The following SAMSN1 variants were observed in gnomAD, a reference collection of about 807,000 sequenced individuals.
SAMSN1 encodes SAM domain, SH3 domain and nuclear localization signals 1, also known as SAM domain-containing protein SAMSN-1.
SAMSN1 carries 31 observed loss-of-function variants against 42.0 expected under a neutral mutation model. The observed-to-expected ratio is 0.74, with a 90% confidence interval of 0.55 to 1.00. The LOEUF (loss-of-function observed/expected upper bound fraction) is 1.00, where lower values mean the gene tolerates loss of function less well. Among genes scored for constraint, SAMSN1 ranks in the 50% least tolerant of loss-of-function variants. The pLI is 0.00. For missense variants in SAMSN1, 464 were observed against 439.4 expected, an observed-to-expected ratio of 1.06 and a Z score of -0.50; for synonymous variants, 178 against 151.9, an observed-to-expected ratio of 1.17 and a Z score of -1.26.
rs571805599 is a variant in SAMSN1, at chr21:14,532,590, T to TA, written c.58-11370dup. Among the ~76,000 whole-genome samples the TA allele has an allele frequency of 2.0e-4, 31 of 152,306 alleles. 1 individual carries two copies. The East Asian group carries it at 4.8e-3, about 24-fold the overall frequency. On this transcript the variant is annotated intron_variant, in intron 1 of 7. Coordinates refer to ENST00000400566, the MANE Select transcript of SAMSN1 (RefSeq NM_022136.5). ...CAGAGTTGAAATATAAGAGTAGTGG[T>TA]AAAAAGAAACTCAGTTTATAATCAC...
chr21:14,532,613 C>A (rs1487425267), intron 1 of SAMSN1, among the ~76,000 whole-genome samples: 2 of 152,158 alleles, frequency 1.3e-5, no homozygotes, highest in African/African-American at 4.8e-5. Flanking sequence ...AGTTTATAAT[C>A]ACTCCTTGAC....
At chr21:14,577,508 A>G (rs1981546238) in intron 2 of SAMSN1, among the ~76,000 whole-genome samples, 1 of 151,816 alleles carries the variant, frequency 6.6e-6, no homozygotes, top group South Asian at 2.1e-4. Context: ...ATAAAAACAT[A>G]TGAAAGGAAG....
chr21:14,531,046 C>G (rs1020480270), intron 1 of SAMSN1, among the ~76,000 whole-genome samples: 5 of 151,806 alleles, frequency 3.3e-5, no homozygotes, highest in African/African-American at 1.2e-4. Context: ...AATTCTATAA[C>G]TAAACAAAAA....
intron 2 of SAMSN1, among the ~76,000 whole-genome samples, chr21:14,637,215 G>C (rs917350407): frequency 6.6e-5 from 10 of 151,578 alleles, no homozygotes; most frequent in African/African-American, 2.2e-4. Flanking sequence ...GATTTTTTTC[G>C]CTGGGACTGA....
rs188145306 is a variant in SAMSN1 at position 14,637,647 on chromosome 21, G to T, written c.156+5355C>A. Among the ~76,000 whole-genome samples the T allele has an allele frequency of 6.1e-4, 93 of 151,810 alleles. 1 individual carries two copies. Among genetic ancestry groups the T allele is most frequent in the Admixed American group, 1.4e-3 (21 of 15,248 alleles). ...AGATTTTGTGTATCAACTCCCTTGTGATTTATTCTCTAAAATAATGTGATT... is the reference window on the plus strand; with the variant it reads ...AGATTTTGTGTATCAACTCCCTTGTTATTTATTCTCTAAAATAATGTGATT... On this transcript the variant is annotated intron_variant, in intron 2 of 15. Coordinates refer to the SAMSN1 transcript ENST00000647101.
chr21:14,577,270 ATATATATATATATAT>A (rs1981526800), intron 2 of SAMSN1, among the ~76,000 whole-genome samples: 4 of 49,402 alleles, frequency 8.1e-5, no homozygotes, highest in Admixed American at 1.6e-4. Flanking sequence ...ATATATATAT[ATATATATATATATAT>A]TTTTTTTTTA....
intron 2 of SAMSN1, among the ~76,000 whole-genome samples, chr21:14,626,068 C>T (rs1198593122): frequency 6.6e-6 from 1 of 152,146 alleles, no homozygotes; most frequent in Admixed American, 6.5e-5. Context: ...GGAATACTGG[C>T]TAGTCATATG....
intron 1 of SAMSN1, among the ~76,000 whole-genome samples, chr21:14,521,902 A>AC (rs1245461136): frequency 1.4e-5 from 2 of 139,090 alleles, no homozygotes; most frequent in Non-Finnish European, 3.3e-5. Flanking sequence ...AGTTTGTTTA[A>AC]AAAAAAAAAA....
chr21:14,630,085 A>T (rs1162434198), intron 2 of SAMSN1, among the ~76,000 whole-genome samples: 2 of 152,170 alleles, frequency 1.3e-5, no homozygotes, highest in Non-Finnish European at 2.9e-5. Context: ...TGTGATAGGA[A>T]ATCCGATGGG....
intron 2 of SAMSN1, among the ~76,000 whole-genome samples, chr21:14,571,736 G>A (rs77124928): frequency 0.039 from 5,999 of 152,118 alleles, 157 homozygotes; most frequent in African/African-American, 0.07. Flanking sequence ...GTCACAATTC[G>A]GGAGGTCAGA....
At chr21:14,557,129 G>A (rs936196434) in intron 2 of SAMSN1, among the ~76,000 whole-genome samples, 1 of 152,132 alleles carries the variant, frequency 6.6e-6, no homozygotes, top group Non-Finnish European at 1.5e-5. Context: ...AGAAGGGTCT[G>A]CTTTTCCTCG....
At chr21:14,503,057 C>G (rs974867684) in intron 5 of SAMSN1, among the ~76,000 whole-genome samples, 14 of 152,136 alleles carry the variant, frequency 9.2e-5, no homozygotes, top group Non-Finnish European at 1.6e-4. Context: ...TTGTAACTCA[C>G]CCCTCTCCTT....
At chr21:14,651,738 T>C (rs1983840562) in intron 1 of SAMSN1, among the ~76,000 whole-genome samples, 1 of 152,084 alleles carries the variant, frequency 6.6e-6, no homozygotes, top group African/African-American at 2.4e-5. Context: ...AGTCAAATTA[T>C]ACCTGTTTGC....
intron 2 of SAMSN1, among the ~76,000 whole-genome samples, chr21:14,622,858 G>T (rs2123346013): frequency 6.6e-6 from 1 of 152,214 alleles, no homozygotes; most frequent in East Asian, 1.9e-4. Context: ...AAATGTTAAG[G>T]GCAGCCAGAG....
intron 2 of SAMSN1, among the ~76,000 whole-genome samples, chr21:14,554,395 A>G (rs1015569451): frequency 1.3e-5 from 2 of 152,196 alleles, no homozygotes; most frequent in Admixed American, 1.3e-4. Context: ...TGCCTGGTAC[A>G]TAATAAACAC....
intron 1 of SAMSN1, among the ~76,000 whole-genome samples, chr21:14,646,072 G>C (rs1374382204): frequency 6.6e-6 from 1 of 152,146 alleles, no homozygotes; most frequent in Non-Finnish European, 1.5e-5. Flanking sequence ...AGAGGACGTA[G>C]ATAAAGAGAT....
At chr21:14,579,641 C>CTTTTTTTT (rs1247868810) in intron 2 of SAMSN1, among the ~76,000 whole-genome samples, 3 of 89,142 alleles carry the variant, frequency 3.4e-5, no homozygotes, top group African/African-American at 9.6e-5. Context: ...AAAATGCTCA[C>CTTTTTTTT]TTTTTTTTTT....
chr21:14,646,736 C>A (rs1347985169), intron 1 of SAMSN1, among the ~76,000 whole-genome samples: 2 of 152,092 alleles, frequency 1.3e-5, no homozygotes, highest in Non-Finnish European at 2.9e-5. Context: ...TACAATAAGA[C>A]ATAAATAGAA....
intron 1 of SAMSN1, among the ~76,000 whole-genome samples, chr21:14,646,495 C>G (rs1428917683): frequency 6.6e-6 from 1 of 152,148 alleles, no homozygotes; most frequent in Non-Finnish European, 1.5e-5. Flanking sequence ...AACGCCAGGT[C>G]AGTCCTATAA....
Sources: gnomAD v4.1 joint callset for allele counts (sites outside exome capture counted in the v4.1 genomes callset) on GRCh38, gnomAD v4.1.1 for gene constraint, MANE v1.5 for transcripts, NCBI Gene and HGNC (gene_info 2026-07-23, HGNC 2026-07-21) for gene names.